TRIP4: variants seen among roughly 807,000 people sequenced by gnomAD.
The protein encoded by TRIP4 is activating signal cointegrator 1.
A neutral mutation model predicts 81.8 loss-of-function variants in TRIP4; 54 were observed. That is an observed-to-expected ratio of 0.66 (90% CI 0.53 to 0.83). The LOEUF is 0.83. Ranked by LOEUF, TRIP4 falls within the 40% of genes least tolerant of loss-of-function variation. TRIP4 has a pLI of 0.00. For synonymous variants in TRIP4, 270 were observed against 242.8 expected, an observed-to-expected ratio of 1.11 and a Z score of -1.04; for missense variants, 662 against 683.6, an observed-to-expected ratio of 0.97 and a Z score of 0.35.
intron 1 of TRIP4, among the ~76,000 whole-genome samples, chr15:64,392,312 C>A (rs1900159784): frequency 6.6e-6 from 1 of 151,934 alleles, no homozygotes. Context: ...AACAAAAAAA[C>A]CCTCCAGGGT....
intron 11 of TRIP4, among the ~76,000 whole-genome samples, chr15:64,427,576 ATGT>A (rs1892176160): frequency 6.6e-6 from 1 of 152,072 alleles, no homozygotes; most frequent in Non-Finnish European, 1.5e-5. Flanking sequence ...AGATTTCACC[ATGT>A]TGGCGAAGCT....
In TRIP4 at chr15:64,444,951, T is replaced by C. The variant is rs762526254; in HGVS notation, c.1576-55T>C. ...AAATCTGGGACATCTTCTGTTCTCC[T>C]TAAATTCAAAGCTTGTCCCAACTAT... On this transcript the variant is annotated intron_variant, in intron 11 of 12. Transcript: ENST00000261884. 4 of 970,964 alleles carry C rather than the reference T, an allele frequency of 4.1e-6. No individual in the cohort carries two copies. The African/African-American group carries it at 4.9e-5, about 12-fold the overall frequency. The allele number at this position is 970,964 out of a possible 1,614,324, so 60.1% of individuals were successfully genotyped here.
chr15:64,407,487 GAA>G (rs1891653845), intron 6 of TRIP4, among the ~76,000 whole-genome samples: 1 of 151,928 alleles, frequency 6.6e-6, no homozygotes, highest in Non-Finnish European at 1.5e-5. Context: ...CTAACACAGT[GAA>G]ACCCCATCTC....
intron 12 of TRIP4, among the ~76,000 whole-genome samples, chr15:64,447,240 C>G (rs987177272): frequency 2.0e-5 from 3 of 152,226 alleles, no homozygotes; most frequent in Admixed American, 2.0e-4. Flanking sequence ...TTTTGTGCCT[C>G]TTTGTCATTG....
intron 11 of TRIP4, among the ~76,000 whole-genome samples, chr15:64,432,340 G>A (rs778357423): frequency 8.6e-5 from 13 of 151,948 alleles, no homozygotes; most frequent in Middle Eastern, 3.2e-3. Flanking sequence ...TGAGCCAGGC[G>A]CAGTGGTTTA....
intron 12 of TRIP4, 137 bp downstream of exon 12, chr15:64,445,245 G>A: frequency 2.1e-6 from 1 of 487,494 alleles, no homozygotes; most frequent in South Asian, 3.7e-5. Context: ...GGATCAGCCT[G>A]TAAGTCATAA....
intron 1 of TRIP4, among the ~76,000 whole-genome samples, chr15:64,390,467 A>C (rs2140544307): frequency 6.6e-6 from 1 of 152,026 alleles, no homozygotes; most frequent in Middle Eastern, 3.4e-3. Context: ...TCTCAAAAAA[A>C]AAAAGGAAAA....
At chr15:64,391,886 T>C (rs912161205) in intron 1 of TRIP4, among the ~76,000 whole-genome samples, 4 of 135,072 alleles carry the variant, frequency 3.0e-5, no homozygotes, top group Non-Finnish European at 6.4e-5. Flanking sequence ...CAGGAGAATT[T>C]CTTGAACCTA....
At chr15:64,436,100 G>T (rs563169723) in intron 11 of TRIP4, among the ~76,000 whole-genome samples, 12 of 152,108 alleles carry the variant, frequency 7.9e-5, no homozygotes, top group Non-Finnish European at 2.9e-5. Flanking sequence ...TTCGAGACCA[G>T]CCTGACCAAC....
intron 5 of TRIP4, 54 bp from the exon 6 acceptor site, chr15:64,406,276 C>T: frequency 1.3e-6 from 2 of 1,599,384 alleles, no homozygotes; most frequent in Non-Finnish European, 1.7e-6. Flanking sequence ...CACACTGGTA[C>T]AACTAATTTG....
intron 12 of TRIP4, among the ~76,000 whole-genome samples, chr15:64,452,789 G>T (rs1437882651): frequency 6.6e-6 from 1 of 152,114 alleles, no homozygotes; most frequent in Non-Finnish European, 1.5e-5. Context: ...CTTCAGTATT[G>T]TATAGTCCAG....
intron 11 of TRIP4, among the ~76,000 whole-genome samples, chr15:64,441,034 C>T (rs114721404): frequency 1.2e-4 from 18 of 151,852 alleles, no homozygotes; most frequent in African/African-American, 4.3e-4. Flanking sequence ...GCTCTGTCAC[C>T]CAGTCTGGAT....
chr15:64,395,739 C>CT (rs5813297), intron 3 of TRIP4, among the ~76,000 whole-genome samples: 199 of 136,644 alleles, frequency 1.5e-3, no homozygotes, highest in Middle Eastern at 3.8e-3. Flanking sequence ...GACATCTTTG[C>CT]TTTTTTTTTT....
chr15:64,453,675 A>C (rs1892821867), intron 12 of TRIP4, among the ~76,000 whole-genome samples: 1 of 152,238 alleles, frequency 6.6e-6, no homozygotes, highest in South Asian at 2.1e-4. Context: ...ATGGTTTCTG[A>C]GGAAGCCCAG....
chr15:64,453,619 C>T (rs907763296), intron 12 of TRIP4, among the ~76,000 whole-genome samples: 2 of 152,164 alleles, frequency 1.3e-5, no homozygotes, highest in Non-Finnish European at 2.9e-5. Flanking sequence ...TTAAAATCAA[C>T]AGCATTGTGA....
At chr15:64,397,849 T>C (rs776114281) in intron 4 of TRIP4, 31 bp downstream of exon 4, 11 of 1,608,500 alleles carry the variant, frequency 6.8e-6, no homozygotes, top group Non-Finnish European at 6.8e-6. Context: ...TTTATTTTAC[T>C]GTGCTTTGTG....
chr15:64,424,294 G>C lies in TRIP4; in HGVS notation c.1483+139G>C, dbSNP rs1414183744. On this transcript the variant is annotated intron_variant, in intron 10 of 12. Transcript: ENST00000261884. ...ATCTTTGTATATGTTTGTTTGTTTA[G>C]TGGTAAATCATTGACAGCGTTCAAA... 85 of 1,224,558 alleles carry C rather than the reference G, an allele frequency of 6.9e-5. 1 individual carries two copies. Among genetic ancestry groups the C allele is most frequent in the Non-Finnish European group, 9.4e-5 (84 of 892,030 alleles). The allele number at this position is 1,224,558 out of a possible 1,614,324, so 75.9% of individuals were successfully genotyped here.
At chr15:64,404,207 A>G (rs547248588) in intron 5 of TRIP4, among the ~76,000 whole-genome samples, 1 of 152,248 alleles carries the variant, frequency 6.6e-6, no homozygotes, top group African/African-American at 2.4e-5. Flanking sequence ...AAAAAATCAT[A>G]TTAATCTATA....
intron 3 of TRIP4, among the ~76,000 whole-genome samples, chr15:64,396,611 TCTCTA>T (rs1451912200): frequency 6.6e-6 from 1 of 152,178 alleles, no homozygotes; most frequent in Non-Finnish European, 1.5e-5. Flanking sequence ...ATGAGATTCA[TCTCTA>T]CTCTGGGCAG....
Sources: allele counts gnomAD v4.1 joint callset (sites outside exome capture counted in the v4.1 genomes callset), GRCh38; gene constraint gnomAD v4.1.1; transcripts MANE v1.5; gene names NCBI Gene and HGNC (gene_info 2026-07-23, HGNC 2026-07-21).